Variants in EIF2AK1 observed in about 807,000 individuals in gnomAD.
EIF2AK1 encodes the protein eukaryotic translation initiation factor 2-alpha kinase 1.
A neutral mutation model predicts 77.9 loss-of-function variants in EIF2AK1; 54 were observed. The observed-to-expected ratio is 0.69, with a 90% CI of 0.56 to 0.87. EIF2AK1 has a LOEUF of 0.87. EIF2AK1 is among the 40% of genes least tolerant of loss of function. The pLI, the probability that EIF2AK1 is intolerant of heterozygous loss-of-function variation, is 0.00. For synonymous variants in EIF2AK1, 314 were observed against 290.5 expected (o/e 1.08, Z -0.82); for missense variants, 810 against 768.6 (o/e 1.05, Z -0.64).
intron 7 of EIF2AK1, among the ~76,000 whole-genome samples, chr7:6,043,910 G>A (rs1258039481): frequency 6.6e-6 from 1 of 151,216 alleles, no homozygotes; most frequent in Non-Finnish European, 1.5e-5. Flanking sequence ...ACTAGCTTGG[G>A]CAACATGGTG....
In EIF2AK1 at chr7:6,041,031, T is replaced by A. The variant is rs376398319; in HGVS notation, c.980A>T (p.Glu327Val). Residue 327 changes from glutamate (E) to valine (V), a missense_variant, in exon 9 of 15, where the codon GAA becomes GTA. This residue lies in a region of EIF2AK1 where 549 missense variants were observed against 533.7 expected (regional missense o/e 1.03). Transcript: ENST00000199389. Reference protein sequence around the residue: ...GELESTLELQENGLAGLSASS... With the variant: ...GELESTLELQVNGLAGLSASS... Reference sequence around the variant, plus strand: ...GGCAGACAAACCAGCCAAGCCATTTTCCTGGAGCTCCAGGGTCGACTCAAG... The same window carrying A: ...GGCAGACAAACCAGCCAAGCCATTTACCTGGAGCTCCAGGGTCGACTCAAG... 1.2e-4 allele frequency: 189 copies of A among 1,614,052 alleles called. No homozygotes were observed. The highest frequency in any genetic ancestry group is 1.6e-4 in the Non-Finnish European group (185 of 1,180,028).
chr7:6,044,719 C>T (rs1788398020), intron 6 of EIF2AK1, 58 bp from the exon 7 acceptor site: 1 of 1,472,796 alleles, frequency 6.8e-7, no homozygotes, highest in Admixed American at 1.8e-5. Flanking sequence ...AATGTTTATG[C>T]AATACTTCTT....
intron 8 of EIF2AK1, among the ~76,000 whole-genome samples, chr7:6,041,822 CAG>C (rs1220365168): frequency 7.3e-6 from 1 of 136,728 alleles, no homozygotes; most frequent in Non-Finnish European, 1.5e-5. Flanking sequence ...CCCTGGCCAA[CAG>C]AGTGAGACTC....
At chr7:6,047,936 A>G (rs1225034605) in intron 4 of EIF2AK1, 1 of 152,188 alleles carries the variant, frequency 6.6e-6, no homozygotes, top group African/African-American at 2.4e-5. Flanking sequence ...GGCATAGTGC[A>G]CTACAGCCCA....
chr7:6,037,642 T>G, intron 10 of EIF2AK1, 118 bp from the exon 11 acceptor site: 1 of 682,760 alleles, frequency 1.5e-6, no homozygotes, highest in South Asian at 1.9e-5. Context: ...AATCTAGATT[T>G]TCAACAAAGT....
Position 6,023,109 on chromosome 7 carries a change from A to T in EIF2AK1, c.*1564T>A. The T allele has an allele frequency of 3.2e-6, 2 of 625,932 alleles. No homozygotes were observed. The highest frequency in any genetic ancestry group is 5.2e-6 in the Non-Finnish European group (2 of 383,700). The allele number at this position is 625,932 out of a possible 1,614,324, so 38.8% of individuals were successfully genotyped here. On this transcript the variant is annotated 3_prime_UTR_variant, in exon 15 of 15. Coordinates refer to ENST00000199389, the MANE Select transcript of EIF2AK1 (RefSeq NM_014413.4). ...GGAATGACTCTTTGGTTACTTTTTT[A>T]ACATAGTTTGCACTTAAACCCTTTT...
At chr7:6,045,954 G>C (rs1043157939) in intron 6 of EIF2AK1, 117 bp downstream of exon 6, 9 of 578,592 alleles carry the variant, frequency 1.6e-5, no homozygotes, top group Non-Finnish European at 2.6e-5. Flanking sequence ...CCCATTCCTA[G>C]TAAACTGGAA....
chr7:6,037,145 C>T (rs1311415572), intron 11 of EIF2AK1, among the ~76,000 whole-genome samples: 1 of 151,726 alleles, frequency 6.6e-6, no homozygotes, highest in East Asian at 1.9e-4. Context: ...GTGGGAGGAT[C>T]GCTTGAGCCT....
In EIF2AK1 at chr7:6,036,240, CA is replaced by C; in HGVS notation, c.1332+1183del. Reference sequence around the variant, plus strand: ...AAGGGACACCCTAATAAAGCAATCGCAAAAACCTTTATCCCTACAGGGTATC... The same window carrying C: ...AAGGGACACCCTAATAAAGCAATCGCAAAACCTTTATCCCTACAGGGTATC... On this transcript the variant is annotated intron_variant, in intron 11 of 14. Transcript: ENST00000199389. This position sits in a 1 kb window ranked among gnomAD's most constrained non-coding sequence, Gnocchi z 4.6. 6.5e-7 allele frequency: 1 copy of C among 1,549,340 alleles called. No homozygotes were observed. The highest frequency in any genetic ancestry group is 8.7e-7 in the Non-Finnish European group (1 of 1,146,672).
At chr7:6,039,006 G>A (rs1583486365) in intron 9 of EIF2AK1, among the ~76,000 whole-genome samples, 1 of 152,074 alleles carries the variant, frequency 6.6e-6, no homozygotes, top group Non-Finnish European at 1.5e-5. Flanking sequence ...CCTGAAACTG[G>A]TCTGCTCGCT....
chr7:6,022,899 A>C lies in EIF2AK1; in HGVS notation c.*1774T>G, dbSNP rs937481701. ...TCTGGTTTATGTTGATATGGAGATA[A>C]GCGAGTTCATGTCATTCATATCTTA... On this transcript the variant is annotated 3_prime_UTR_variant, in exon 15 of 15. Coordinates refer to ENST00000199389, the MANE Select transcript of EIF2AK1 (RefSeq NM_014413.4). 2.2e-5 allele frequency: 4 copies of C among 183,742 alleles called. No homozygotes were observed. Among genetic ancestry groups the C allele is most frequent in the Non-Finnish European group, 3.4e-5 (3 of 87,452 alleles). 11.4% of individuals were successfully genotyped at this position (183,742 alleles called of 1,614,324 possible).
At position 6,035,360 on chromosome 7, in the gene EIF2AK1, T is replaced by G; in HGVS notation, c.1332+2064A>C. Reference sequence around the variant, plus strand: ...ATTGAAGGGTCTTACTTTAAATAAATACTGGCTTCTTAAGCATTAACTGTC... The same window carrying G: ...ATTGAAGGGTCTTACTTTAAATAAAGACTGGCTTCTTAAGCATTAACTGTC... On this transcript the variant is annotated intron_variant, in intron 11 of 14. Coordinates refer to ENST00000199389, the MANE Select transcript of EIF2AK1 (RefSeq NM_014413.4). The surrounding 1 kb of genome is among the most constrained non-coding windows in gnomAD (Gnocchi z 5.5). 4.7e-6 allele frequency: 6 copies of G among 1,264,832 alleles called. No homozygotes were observed. Among genetic ancestry groups the G allele is most frequent in the Non-Finnish European group, 6.5e-6 (6 of 917,952 alleles). 78.4% of individuals were successfully genotyped at this position (1,264,832 alleles called of 1,614,324 possible). A position where few individuals can be genotyped will look rare whatever the true frequency, so the allele number is the denominator to read the frequency against.
intron 2 of EIF2AK1, among the ~76,000 whole-genome samples, chr7:6,053,250 T>C (rs917359451): frequency 1.3e-5 from 2 of 152,196 alleles, no homozygotes; most frequent in Non-Finnish European, 2.9e-5. Context: ...GTACATGAGA[T>C]ATTTTGATAC....
At chr7:6,050,289 G>C (rs1167784512) in intron 2 of EIF2AK1, among the ~76,000 whole-genome samples, 1 of 152,112 alleles carries the variant, frequency 6.6e-6, no homozygotes, top group Non-Finnish European at 1.5e-5. Flanking sequence ...CCACCTCCCG[G>C]GTTCAAGTGA....
intron 1 of EIF2AK1, 69 bp downstream of exon 1, chr7:6,058,897 G>C (rs540666319): frequency 5.8e-6 from 8 of 1,381,194 alleles, no homozygotes; most frequent in Non-Finnish European, 7.7e-6. Flanking sequence ...CCTCAGGGCT[G>C]CCTTTGCCGC....
rs1384967580 is a variant in EIF2AK1, at chr7:6,046,211, G to T, written c.550-60C>A. 6 of 989,430 alleles carry T rather than the reference G, an allele frequency of 6.1e-6. No individual in the cohort carries two copies. The East Asian group carries it at 1.6e-4, about 27-fold the overall frequency. 61.3% of individuals were successfully genotyped at this position (989,430 alleles called of 1,614,324 possible). A position where few individuals can be genotyped will look rare whatever the true frequency, so the allele number is the denominator to read the frequency against. On this transcript the variant is annotated intron_variant, in intron 5 of 14. Transcript: ENST00000199389. Reference sequence around the variant, plus strand: ...TCATTAAACTTTAACTGAATAAAGAGGTTCTTTTAATCTGAGCTTAGACAA... The same window carrying T: ...TCATTAAACTTTAACTGAATAAAGATGTTCTTTTAATCTGAGCTTAGACAA...
At chr7:6,045,196 G>C (rs1215738443) in intron 6 of EIF2AK1, among the ~76,000 whole-genome samples, 1 of 149,896 alleles carries the variant, frequency 6.7e-6, no homozygotes, top group African/African-American at 2.5e-5. Context: ...CAATCACTTT[G>C]CTGGGTTCAA....
chr7:6,037,672 A>G (rs1340415181), intron 10 of EIF2AK1, 148 bp from the exon 11 acceptor site: 1 of 637,060 alleles, frequency 1.6e-6, no homozygotes, highest in Non-Finnish European at 2.8e-6. Context: ...AGAATGGTCT[A>G]AAACCTAGAA....
intron 8 of EIF2AK1, among the ~76,000 whole-genome samples, chr7:6,041,862 G>C (rs1019185146): frequency 6.9e-6 from 1 of 144,966 alleles, no homozygotes; most frequent in South Asian, 2.2e-4. Context: ...AAAAGCCAAT[G>C]TATAGGTCTG....
Sources: gnomAD v4.1 joint callset for allele counts (sites outside exome capture counted in the v4.1 genomes callset) on GRCh38, gnomAD v4.1.1 for gene constraint, gnomAD v4.1.1 regional missense constraint, Gnocchi (gnomAD v3.1) non-coding constraint, MANE v1.5 for transcripts, NCBI Gene and HGNC (gene_info 2026-07-23, HGNC 2026-07-21) for gene names.